The following UBE2A variants were observed in gnomAD, a reference collection of about 807,000 sequenced individuals.
UBE2A encodes ubiquitin conjugating enzyme E2 A, also known as ubiquitin-conjugating enzyme E2 A.
For synonymous variants in UBE2A, 39 were observed against 41.1 expected (o/e 0.95, Z 0.20); for missense variants, 27 against 125.8 (o/e 0.21, Z 3.76).
At chrX:119,581,888 G>A (rs189470807) in intron 4 of UBE2A, among the ~76,000 whole-genome samples, 12 of 112,654 alleles carry the variant, frequency 1.1e-4, no homozygotes, top group Non-Finnish European at 2.1e-4. Context: ...TGCTAGGCCA[G>A]ATTGGGATAG....
chrX:119,578,053 TATTA>T (rs963094186), intron 3 of UBE2A, among the ~76,000 whole-genome samples: 15 of 111,863 alleles, frequency 1.3e-4, no homozygotes, highest in African/African-American at 4.6e-4. Context: ...TGTATTATGT[TATTA>T]ATTAAGAACC....
intron 2 of UBE2A, 43 bp downstream of exon 2, chrX:119,575,024 G>C (rs2053405266): frequency 8.4e-7 from 1 of 1,193,337 alleles, no homozygotes; most frequent in African/African-American, 1.7e-5. Flanking sequence ...CTGGGGACGC[G>C]AGCAGCTTCG....
At position 119,574,914 on chromosome X, in the gene UBE2A, C is replaced by T; in HGVS notation, c.58C>T (p.Pro20Ser). Residue 20 changes from proline (P) to serine (S), a missense_variant, in exon 2 of 6, where the codon CCT (proline) becomes TCT (serine). Coordinates refer to ENST00000371558, the MANE Select transcript of UBE2A (RefSeq NM_003336.4). ...GTCTTCCCGAAGGTTGCAGGAGGAT[C>T]CTCCAGCCGGAGTCAGCGGGGCTCC... ...MRDFKRLQED[P>S]PAGVSGAPSE... The T allele has an allele frequency of 8.3e-7, 1 of 1,211,953 alleles. No homozygotes were observed.
chrX:119,577,635 C>CTTTT lies in UBE2A; in HGVS notation c.151+2254_151+2257dup, dbSNP rs11380086. Among the ~76,000 whole-genome samples the CTTTT allele has an allele frequency of 9.5e-3, 538 of 56,656 alleles. 1 individual carries two copies. The highest frequency in any genetic ancestry group is 0.016 in the Middle Eastern group (1 of 61). The allele number at this position is 56,656 out of a possible 115,157, so 49.2% of individuals were successfully genotyped here. On this transcript the variant is annotated intron_variant, in intron 3 of 5. Transcript: ENST00000371558. ...GGTTCCCCCACAAAAAAAATTTTAGCTTTTTTTTTTTTTTTTTTTTTTGAG... is the reference window on the plus strand; with the variant it reads ...GGTTCCCCCACAAAAAAAATTTTAGCTTTTTTTTTTTTTTTTTTTTTTTTTTGAG...
chrX:119,578,059 TTAAG>T (rs1290698056), intron 3 of UBE2A, among the ~76,000 whole-genome samples: 4 of 111,874 alleles, frequency 3.6e-5, no homozygotes, highest in Non-Finnish European at 5.6e-5. Flanking sequence ...ATGTTATTAA[TTAAG>T]AACCCCAAAA....
intron 3 of UBE2A, chrX:119,580,767 A>G (rs1169102944): frequency 8.9e-6 from 1 of 112,201 alleles, no homozygotes. Flanking sequence ...TTTCATTTCA[A>G]TAGTAGCATA....
chrX:119,575,474 G>A (rs2053410355), intron 3 of UBE2A, 74 bp downstream of exon 3: 11 of 1,176,989 alleles, frequency 9.3e-6, no homozygotes, highest in Non-Finnish European at 1.3e-5. Context: ...CATCCTGGAA[G>A]TGTCTCCTGC....
In UBE2A at chrX:119,582,653, T is replaced by G; in HGVS notation, c.307T>G (p.Ser103Ala). The G allele has an allele frequency of 8.3e-7, 1 of 1,208,056 alleles. No individual in the cohort carries two copies. Among genetic ancestry groups the G allele is most frequent in the Non-Finnish European group, 1.1e-6 (1 of 892,036 alleles). Residue 103 changes from serine to alanine, a missense_variant, in exon 5 of 6, where the codon TCT becomes GCT. Coordinates refer to ENST00000371558, the MANE Select transcript of UBE2A (RefSeq NM_003336.4). ...QNRWSPTYDV[S>A]SILTSIQSLL... is the part of the protein sequence containing the mutation. ...CCGTTGGAGTCCAACCTATGATGTG[T>G]CTTCCATTCTAACATCCATACAGGT... is the stretch of plus-strand genomic sequence containing the variant.
In UBE2A at chrX:119,581,605, C is replaced by G; in HGVS notation, c.241+9C>G. The G allele has an allele frequency of 1.7e-6, 2 of 1,146,618 alleles. No individual in the cohort carries two copies. The highest frequency in any genetic ancestry group is 2.4e-6 in the Non-Finnish European group (2 of 836,003). The allele number at this position is 1,146,618 out of a possible 1,213,427, so 94.5% of individuals were successfully genotyped here. On this transcript the variant is annotated intron_variant, in intron 4 of 5. Transcript: ENST00000371558. Reference sequence around the variant, plus strand: ...GATGTTCCATCCAAATGGCAAGTATCACTTTTAGTACAGTGTTTTAAACTA... The same window carrying G: ...GATGTTCCATCCAAATGGCAAGTATGACTTTTAGTACAGTGTTTTAAACTA...
intron 3 of UBE2A, among the ~76,000 whole-genome samples, chrX:119,576,231 C>G (rs1006763572): frequency 1.8e-5 from 2 of 110,844 alleles, no homozygotes; most frequent in African/African-American, 3.3e-5. Flanking sequence ...ATAGAGACAC[C>G]CTTTATACCC....
intron 3 of UBE2A, 129 bp downstream of exon 3, chrX:119,575,529 G>A: frequency 1.2e-6 from 1 of 823,499 alleles, no homozygotes; most frequent in Non-Finnish European, 1.8e-6. Context: ...AAAGGCTTGA[G>A]TGGAATGCAG....
chrX:119,582,149 A>T (rs2053454655), intron 4 of UBE2A, among the ~76,000 whole-genome samples: 1 of 112,367 alleles, frequency 8.9e-6, no homozygotes, highest in South Asian at 3.6e-4. Context: ...ATTTAGGTTA[A>T]TGAAGTATTT....
In UBE2A at chrX:119,574,726, T is replaced by C; in HGVS notation, c.15T>C (p.Ala5=). The C allele has an allele frequency of 8.3e-7, 1 of 1,198,300 alleles. No homozygotes were observed. The highest frequency in any genetic ancestry group is 1.1e-6 in the Non-Finnish European group (1 of 889,542). The change falls in exon 1 of 6, where the codon GCT becomes GCC. Residue 5 remains alanine (A), a synonymous_variant. Coordinates refer to ENST00000371558, the MANE Select transcript of UBE2A (RefSeq NM_003336.4). ...CCGCTCGCGACATGTCCACCCCGGC[T>C]CGGCGGCGCCTCATGCGGGACTTCA... MSTP[A]RRRLMRDFKR... is the part of the protein sequence containing the mutation.
chrX:119,575,217 G>T, intron 2 of UBE2A, 158 bp from the exon 3 acceptor site: 4 of 843,896 alleles, frequency 4.7e-6, no homozygotes, highest in Middle Eastern at 4.1e-4. Context: ...AGGCGCGGCG[G>T]CTTGCCCTGT....
At chrX:119,575,611 A>AC in intron 3 of UBE2A, 1 of 455,310 alleles carries the variant, frequency 2.2e-6, no homozygotes, top group South Asian at 3.4e-5. Flanking sequence ...TCTTAAAAAA[A>AC]AAATCTGTGT....
At position 119,583,275 on chromosome X, in the gene UBE2A, A is replaced by C. The variant is rs1376758185; in HGVS notation, c.*20A>C. On this transcript the variant is annotated 3_prime_UTR_variant, in exon 6 of 6. Coordinates refer to ENST00000371558, the MANE Select transcript of UBE2A (RefSeq NM_003336.4). ...TGTTGACCCCGGGTACAGTTTAAAGAAGCTGGCCATAAGAAAAATATATAT... is the reference window on the plus strand; with the variant it reads ...TGTTGACCCCGGGTACAGTTTAAAGCAGCTGGCCATAAGAAAAATATATAT... 8.3e-7 allele frequency: 1 copy of C among 1,211,091 alleles called. No individual in the cohort carries two copies. Among genetic ancestry groups the C allele is most frequent in the South Asian group, 1.8e-5 (1 of 56,936 alleles).
chrX:119,576,309 C>T (rs1248332703), intron 3 of UBE2A, among the ~76,000 whole-genome samples: 3 of 111,048 alleles, frequency 2.7e-5, no homozygotes, highest in African/African-American at 6.6e-5. Flanking sequence ...CTATCACAAC[C>T]GGAAAAATGA....
chrX:119,575,203 G>A (rs894780009), intron 2 of UBE2A, 172 bp from the exon 3 acceptor site: 23 of 776,385 alleles, frequency 3.0e-5, no homozygotes, highest in African/African-American at 4.1e-5. Flanking sequence ...GAGTGGTGGC[G>A]GTTAGGCGCG....
At chrX:119,579,187 T>G (rs1293425762) in intron 3 of UBE2A, among the ~76,000 whole-genome samples, 1 of 112,063 alleles carries the variant, frequency 8.9e-6, no homozygotes, top group Non-Finnish European at 1.9e-5. Flanking sequence ...GTGAACTGTT[T>G]TAAAAGACTT....
Sources: allele counts gnomAD v4.1 joint callset (sites outside exome capture counted in the v4.1 genomes callset), GRCh38; gene constraint gnomAD v4.1.1; transcripts MANE v1.5; gene names NCBI Gene and HGNC (gene_info 2026-07-23, HGNC 2026-07-21).